Variants in NOP2 observed in about 807,000 individuals in gnomAD.
NOP2 encodes the protein NOP2 nucleolar protein, also known as 28S rRNA (cytosine(4447)-C(5))-methyltransferase.
A neutral mutation model predicts 72.7 loss-of-function variants in NOP2; 7 were observed. The ratio of observed to expected loss-of-function variants is 0.10; its 90% CI spans 0.05 to 0.18. The LOEUF is 0.18. Ranked by LOEUF, NOP2 falls within the 10% of genes least tolerant of loss-of-function variation. The pLI is 1.00. For synonymous variants in NOP2, 387 were observed against 388.0 expected (o/e 1.00, Z 0.03); for missense variants, 954 against 1,014.7 (o/e 0.94, Z 0.81).
intron 4 of NOP2, 90 bp from the exon 5 acceptor site, chr12:6,566,426 T>C (rs1947781252): frequency 6.7e-7 from 1 of 1,501,412 alleles, no homozygotes; most frequent in Non-Finnish European, 9.2e-7. Flanking sequence ...CCTCAGAATG[T>C]CCTTTGGCTG....
At chr12:6,567,023 G>T (rs1947798354) in intron 2 of NOP2, among the ~76,000 whole-genome samples, 1 of 151,734 alleles carries the variant, frequency 6.6e-6, no homozygotes, top group African/African-American at 2.4e-5. Context: ...TTCCAGGCTG[G>T]AGTGCAATGG....
In NOP2 at chr12:6,567,758, G is replaced by A. The variant is rs1023427725; in HGVS notation, c.103+58C>T. 3.9e-5 allele frequency: 52 copies of A among 1,318,590 alleles called. 1 individual carries two copies. The African/African-American group carries it at 5.1e-4, about 13-fold the overall frequency. 81.7% of individuals were successfully genotyped at this position (1,318,590 alleles called of 1,614,324 possible). A position where few individuals can be genotyped will look rare whatever the true frequency, so the allele number is the denominator to read the frequency against. ...GAACAGAAACTAAAAAAGAGAAGAG[G>A]TTATAATACAGAATACTGCAAAAGC... is the stretch of plus-strand genomic sequence containing the variant. On this transcript the variant is annotated intron_variant, in intron 2 of 15. Coordinates refer to ENST00000322166, the MANE Select transcript of NOP2 (RefSeq NM_001258308.2).
At chr12:6,566,669 G>A (rs1466274877) in intron 3 of NOP2, 52 bp from the exon 4 acceptor site, 13 of 1,598,134 alleles carry the variant, frequency 8.1e-6, no homozygotes, top group Non-Finnish European at 1.1e-5. Flanking sequence ...GATACTTCCA[G>A]GCTCTGCCAT....
At position 6,566,107 on chromosome 12, in the gene NOP2, A is replaced by T; in HGVS notation, c.468T>A (p.Gly156=). The change falls in exon 5 of 16, where the codon GGT becomes GGA. Residue 156 remains glycine, a synonymous_variant. Transcript: ENST00000322166. ...ADSNSEDEEE[G]EALLPIERAA... ...CCAAAAAGATGAATCTCACCGCTTC[A>T]CCTTCCTCCTCATCCTCAGAGTTGG... The T allele has an allele frequency of 6.2e-7, 1 of 1,612,410 alleles. No homozygotes were observed. The highest frequency in any genetic ancestry group is 1.1e-5 in the South Asian group (1 of 90,814).
chr12:6,568,094 G>C (rs1326143391), intron 1 of NOP2, 113 bp downstream of exon 1: 3 of 600,698 alleles, frequency 5.0e-6, no homozygotes, highest in Middle Eastern at 4.4e-4. Flanking sequence ...TATCCCCCTG[G>C]AGGCCCGACC....
intron 5 of NOP2, among the ~76,000 whole-genome samples, chr12:6,565,677 G>T (rs193287383): frequency 6.6e-6 from 1 of 151,432 alleles, no homozygotes; most frequent in Non-Finnish European, 1.5e-5. Flanking sequence ...ATCTCCCTAT[G>T]TTGCCCAAGC....
chr12:6,557,646 G>C lies in NOP2; in HGVS notation c.1790-4C>G, dbSNP rs764363729. 6.2e-7 allele frequency: 1 copy of C among 1,602,650 alleles called. No individual in the cohort carries two copies. Among genetic ancestry groups the C allele is most frequent in the African/African-American group, 1.3e-5 (1 of 74,322 alleles). ...GGTGTGGCTGTTTCAGAATTTCCTG[G>C]GGTTAAAATTAAACAGATGGTGTCA... On this transcript the variant is annotated splice_region_variant and splice_polypyrimidine_tract_variant and intron_variant, in intron 15 of 15. Transcript: ENST00000322166.
chr12:6,558,950 T>C (rs367720179), intron 15 of NOP2, among the ~76,000 whole-genome samples: 2 of 152,206 alleles, frequency 1.3e-5, no homozygotes, highest in Non-Finnish European at 1.5e-5. Context: ...TTTTAAGTTA[T>C]AGCAAATTTT....
chr12:6,563,898 C>T lies in NOP2; in HGVS notation c.523G>A (p.Ala175Thr). The T allele has an allele frequency of 6.2e-7, 1 of 1,613,884 alleles. No homozygotes were observed. The change falls in exon 6 of 16, where the codon GCT becomes ACT. Residue 175 changes from alanine (A) to threonine (T), a missense_variant. By Grantham distance (58) the Ala-to-Thr change is moderately conservative. This residue lies in a region of NOP2 where 498 missense variants were observed against 478.3 expected (regional missense o/e 1.04). Coordinates refer to ENST00000322166, the MANE Select transcript of NOP2 (RefSeq NM_001258308.2). ...AARKQKAREA[A>T]AGIQWSEEET... is the part of the protein sequence containing the mutation. ...ATAGCTTCCAAAACTCACCCAGCAG[C>T]AGCTTCCCGGGCCTTCTGCTTCCGA...
rs761818932 is a variant in NOP2 at position 6,557,047 on chromosome 12, TGGTGGG to T, written c.2379_2384del (p.Pro794_Pro795del). On this transcript the variant is annotated inframe_deletion, in exon 16 of 16. Coordinates refer to ENST00000322166, the MANE Select transcript of NOP2 (RefSeq NM_001258308.2). ...TGGACTGAGATTTCTTCCTCTTTGC[TGGTGGG>T]GGGCGGCTGGAACGGATGGGAGACA... The T allele has an allele frequency of 3.7e-6, 6 of 1,613,932 alleles. No individual in the cohort carries two copies. The highest frequency in any genetic ancestry group is 5.1e-6 in the Non-Finnish European group (6 of 1,179,880).
chr12:6,564,436 A>G (rs1023986826), intron 5 of NOP2: 1 of 162,756 alleles, frequency 6.1e-6, no homozygotes, highest in African/African-American at 2.4e-5. Context: ...CCATTCTGCC[A>G]TATTTTTTTT....
chr12:6,566,956 T>A, intron 2 of NOP2, 134 bp from the exon 3 acceptor site: 1 of 732,952 alleles, frequency 1.4e-6, no homozygotes, highest in Non-Finnish European at 2.3e-6. Context: ...CCTGTTATTA[T>A]TTAATAACTG....
chr12:6,559,781 G>A (rs1947596190), intron 15 of NOP2, among the ~76,000 whole-genome samples: 1 of 152,214 alleles, frequency 6.6e-6, no homozygotes, highest in Admixed American at 6.5e-5. Flanking sequence ...TCCAGTACCA[G>A]TAAGTCCACC....
Position 6,557,002 on chromosome 12 carries a change from C to T in NOP2, c.2430G>A (p.Leu810=), listed in dbSNP as rs890079972. ...TCTAGTTTTCAACCATCTAAGATAG[C>T]AGCAGCTGGCTGTTGCCCCTGGACT... ...KSQSRGNSQL[L]LS Residue 810 remains leucine, a synonymous_variant, in exon 16 of 16, where the codon CTG becomes CTA. Transcript: ENST00000322166. The T allele has an allele frequency of 1.2e-6, 2 of 1,614,014 alleles. No homozygotes were observed. The highest frequency in any genetic ancestry group is 1.3e-5 in the African/African-American group (1 of 75,044).
chr12:6,567,701 C>T (rs181179889), intron 2 of NOP2, 115 bp downstream of exon 2: 4 of 784,524 alleles, frequency 5.1e-6, no homozygotes, highest in African/African-American at 1.8e-5. Flanking sequence ...CCTAGTAACT[C>T]ATACAGAGAA....
At chr12:6,565,419 C>T (rs1947753161) in intron 5 of NOP2, among the ~76,000 whole-genome samples, 1 of 152,102 alleles carries the variant, frequency 6.6e-6, no homozygotes, top group Non-Finnish European at 1.5e-5. Flanking sequence ...CGGCTCACTG[C>T]CATCTCCGCC....
At chr12:6,558,272 GT>G (rs574205837) in intron 15 of NOP2, 172 of 250,766 alleles carry the variant, frequency 6.9e-4, no homozygotes, top group East Asian at 1.1e-3. Context: ...GGGTTTTGGG[GT>G]TTTTTTTTTC....
intron 15 of NOP2, among the ~76,000 whole-genome samples, 183 bp downstream of exon 15, chr12:6,559,915 C>T (rs140074428): frequency 5.7e-4 from 87 of 152,306 alleles, no homozygotes; most frequent in African/African-American, 2.0e-3. Flanking sequence ...AGCCTGTTCA[C>T]ATGGGGTCCA....
In NOP2 at chr12:6,564,492, G is replaced by A. The variant is rs567059064; in HGVS notation, c.475-546C>T. 3.5e-4 allele frequency among the ~76,000 whole-genome samples: 53 copies of A among 151,324 alleles called. 1 individual carries two copies. Among genetic ancestry groups the A allele is most frequent in the African/African-American group, 1.2e-3 (49 of 41,350 alleles). On this transcript the variant is annotated intron_variant, in intron 5 of 15. Transcript: ENST00000322166. ...CCCCCAGGCTGGAGTGCAATGGCGC[G>A]TCTTGGCTCACTGCAACCTCCGCCT...
Sources: allele counts gnomAD v4.1 joint callset (sites outside exome capture counted in the v4.1 genomes callset), GRCh38; gene constraint gnomAD v4.1.1; regional missense constraint gnomAD v4.1.1; transcripts MANE v1.5; gene names NCBI Gene and HGNC (gene_info 2026-07-23, HGNC 2026-07-21).